Variants in PXDN observed in about 807,000 individuals in gnomAD.
The protein encoded by PXDN is peroxidasin.
A neutral mutation model predicts 140.3 loss-of-function variants in PXDN; 77 were observed. That is an observed-to-expected ratio of 0.55 (90% confidence interval 0.46 to 0.66). The LOEUF is 0.66. Ranked by LOEUF, PXDN falls within the 30% of genes least tolerant of loss-of-function variation. The pLI is 0.00. For synonymous variants in PXDN, 911 were observed against 857.4 expected, an observed-to-expected ratio of 1.06 and a Z score of -1.09; for missense variants, 1,838 against 2,039.5, an observed-to-expected ratio of 0.90 and a Z score of 1.90.
intron 1 of PXDN, among the ~76,000 whole-genome samples, chr2:1,743,328 C>G (rs879568017): frequency 2.6e-5 from 4 of 152,192 alleles, no homozygotes; most frequent in Non-Finnish European, 5.9e-5. Flanking sequence ...GAGAAATGCC[C>G]GAGGCAGAAA....
chr2:1,744,172 C>A (rs981126843), intron 1 of PXDN, 84 bp downstream of exon 1: 461 of 1,286,922 alleles, frequency 3.6e-4, no homozygotes, highest in Non-Finnish European at 4.3e-4. Flanking sequence ...ACCCTCCGCG[C>A]CCCCCACCTC....
chr2:1,679,735 GGT>G (rs1231693689), intron 7 of PXDN, among the ~76,000 whole-genome samples: 2 of 150,304 alleles, frequency 1.3e-5, no homozygotes, highest in Non-Finnish European at 3.0e-5. Flanking sequence ...GTGTGTGGAT[GGT>G]GTGTGCGTGT....
intron 1 of PXDN, among the ~76,000 whole-genome samples, chr2:1,698,144 A>C (rs1684339724): frequency 6.6e-6 from 1 of 152,234 alleles, no homozygotes; most frequent in Non-Finnish European, 1.5e-5. Context: ...CACCAATGAC[A>C]GTAAGCAGCG....
At chr2:1,662,758 C>T (rs1482583704) in intron 12 of PXDN, among the ~76,000 whole-genome samples, 1 of 152,198 alleles carries the variant, frequency 6.6e-6, no homozygotes, top group Non-Finnish European at 1.5e-5. Context: ...CAGAGCCAAC[C>T]CGGCGGGCCG....
chr2:1,688,671 GA>G (rs1684118947), intron 3 of PXDN, among the ~76,000 whole-genome samples: 1 of 152,142 alleles, frequency 6.6e-6, no homozygotes, highest in East Asian at 1.9e-4. Context: ...CCGTTTCTTA[GA>G]ATCCCTGGGC....
chr2:1,656,618 C>G (rs1452513216), intron 14 of PXDN, among the ~76,000 whole-genome samples: 1 of 150,094 alleles, frequency 6.7e-6, no homozygotes, highest in Non-Finnish European at 1.5e-5. Context: ...CTGAATAAAA[C>G]TGGTCCCCTC....
chr2:1,638,164 G>C (rs1682619173), intron 21 of PXDN, among the ~76,000 whole-genome samples: 1 of 152,176 alleles, frequency 6.6e-6, no homozygotes, highest in South Asian at 2.1e-4. Context: ...CAGACAGCCA[G>C]GACCTGCGCA....
intron 1 of PXDN, among the ~76,000 whole-genome samples, chr2:1,740,022 C>A (rs1384021883): frequency 2.6e-5 from 4 of 152,240 alleles, no homozygotes; most frequent in Admixed American, 2.6e-4. Context: ...GGCGGAGAGG[C>A]CCCAGGCTCC....
At chr2:1,682,166 G>A (rs1683922560) in intron 6 of PXDN, among the ~76,000 whole-genome samples, 1 of 152,230 alleles carries the variant, frequency 6.6e-6, no homozygotes, top group Non-Finnish European at 1.5e-5. Flanking sequence ...CAGAGAGAAG[G>A]CAGCTGTCAG....
chr2:1,650,390 A>C (rs1259925457), intron 16 of PXDN, among the ~76,000 whole-genome samples: 2 of 152,184 alleles, frequency 1.3e-5, no homozygotes, highest in Admixed American at 1.3e-4. Context: ...GGCTCCGACT[A>C]GGTCACCTTC....
chr2:1,696,093 TC>T (rs1222813472), intron 1 of PXDN, among the ~76,000 whole-genome samples: 79 of 152,238 alleles, frequency 5.2e-4, no homozygotes, highest in Non-Finnish European at 7.3e-5. Context: ...CTCAAGGACT[TC>T]CTACAAACAA....
chr2:1,708,388 T>A (rs1684671817), intron 1 of PXDN, among the ~76,000 whole-genome samples: 1 of 152,198 alleles, frequency 6.6e-6, no homozygotes, highest in South Asian at 2.1e-4. Flanking sequence ...TGAGGCCCCC[T>A]GTGGATGGAC....
chr2:1,633,941 A>G lies in PXDN; in HGVS notation c.*263T>C. 2.8e-6 allele frequency: 1 copy of G among 361,644 alleles called. No homozygotes were observed. The highest frequency in any genetic ancestry group is 7.8e-4 in the Middle Eastern group (1 of 1,288). 22.4% of individuals were successfully genotyped at this position (361,644 alleles called of 1,614,324 possible). On this transcript the variant is annotated 3_prime_UTR_variant, in exon 23 of 23. Transcript: ENST00000252804. Reference sequence around the variant, plus strand: ...AGTAGCACCAATTTTTCATTTTAAAAGAATTAAATAAAAACCTGAGAAGTC... The same window carrying G: ...AGTAGCACCAATTTTTCATTTTAAAGGAATTAAATAAAAACCTGAGAAGTC...
At chr2:1,728,861 G>T (rs1274502209) in intron 1 of PXDN, among the ~76,000 whole-genome samples, 1 of 152,172 alleles carries the variant, frequency 6.6e-6, no homozygotes, top group Non-Finnish European at 1.5e-5. Context: ...AAACTTTTGT[G>T]GCCACAGATA....
At chr2:1,659,923 A>G (rs1262434723) in intron 14 of PXDN, among the ~76,000 whole-genome samples, 1 of 152,220 alleles carries the variant, frequency 6.6e-6, no homozygotes, top group East Asian at 1.9e-4. Flanking sequence ...AAGGCGGATC[A>G]GTCACAATGA....
chr2:1,649,551 C>T lies in PXDN; in HGVS notation c.2229G>A (p.Thr743=), dbSNP rs750777315. The part of the protein sequence containing the change: ...SDMCFHQKYR[T]HDGTCNNLQH... ...GCAGGTTGTTACAGGTGCCGTCGTG[C>T]GTCCGGTACTTCTGGTGGAAGCACA... Residue 743 remains threonine, a synonymous_variant, in exon 17 of 23, where the codon ACG becomes ACA. Transcript: ENST00000252804. This position sits in a 1 kb window ranked among gnomAD's most constrained non-coding sequence, Gnocchi z 7.1. 1.3e-4 allele frequency: 209 copies of T among 1,613,896 alleles called. 4 individuals are homozygous for T. In the South Asian group the frequency reaches 2.2e-3, roughly 17 times the overall value.
chr2:1,657,937 C>T (rs1432042878), intron 14 of PXDN, among the ~76,000 whole-genome samples: 1 of 150,192 alleles, frequency 6.7e-6, no homozygotes, highest in East Asian at 2.0e-4. Flanking sequence ...AACCTGCCCC[C>T]TCTTGCCCCC....
At position 1,653,627 on chromosome 2, in the gene PXDN, C is replaced by T; in HGVS notation, c.2104+1G>A. 2 of 1,612,498 alleles carry T rather than the reference C, an allele frequency of 1.2e-6. No individual in the cohort carries two copies. Among genetic ancestry groups the T allele is most frequent in the Non-Finnish European group, 1.7e-6 (2 of 1,179,400 alleles). On this transcript the variant is annotated splice_donor_variant, in intron 16 of 22. Transcript: ENST00000252804. LOFTEE classifies it high-confidence loss of function. ...GAGGAAGAAAAGGCTTTGGCACTGA[C>T]TTGTTCCGTTGAGGTCGACCATCAA...
intron 11 of PXDN, chr2:1,663,999 AAGCACTACAC>A: frequency 1.8e-6 from 1 of 542,550 alleles, no homozygotes; most frequent in South Asian, 2.3e-5. Flanking sequence ...ACAGAGGGAA[AAGCACTACAC>A]AGGGGGCCAG....
Sources: allele counts gnomAD v4.1 joint callset (sites outside exome capture counted in the v4.1 genomes callset), GRCh38; gene constraint gnomAD v4.1.1; non-coding constraint Gnocchi (gnomAD v3.1); transcripts MANE v1.5; gene names NCBI Gene and HGNC (gene_info 2026-07-23, HGNC 2026-07-21).